The following ZFPM2 variants were observed in gnomAD, a reference collection of about 807,000 sequenced individuals.
ZFPM2 encodes zinc finger protein ZFPM2.
ZFPM2 carries 20 observed loss-of-function variants against 98.6 expected under a neutral mutation model. The observed-to-expected ratio is 0.20, with a 90% CI of 0.14 to 0.29. ZFPM2 has a LOEUF of 0.29. Ranked by LOEUF, ZFPM2 falls within the 10% of genes least tolerant of loss-of-function variation. The pLI, the probability that ZFPM2 is intolerant of heterozygous loss-of-function variation, is 1.00. For missense variants in ZFPM2, 1,310 were observed against 1,388.6 expected, an observed-to-expected ratio of 0.94 and a Z score of 0.90; for synonymous variants, 518 against 502.7, an observed-to-expected ratio of 1.03 and a Z score of -0.41.
At chr8:105,490,315 G>A (rs1209158671) in intron 3 of ZFPM2, among the ~76,000 whole-genome samples, 1 of 152,176 alleles carries the variant, frequency 6.6e-6, no homozygotes, top group Non-Finnish European at 1.5e-5. Context: ...ATTCATTTGA[G>A]TTTATTTCTA....
At position 105,318,994 on chromosome 8, in the gene ZFPM2, GC is replaced by G; in HGVS notation, c.40+14del. 6.7e-7 allele frequency: 1 copy of G among 1,492,214 alleles called. No individual in the cohort carries two copies. The highest frequency in any genetic ancestry group is 9.0e-7 in the Non-Finnish European group (1 of 1,113,176). 92.4% of individuals were successfully genotyped at this position (1,492,214 alleles called of 1,614,324 possible). ...CGGCAGATCAAACGTAAGTTTGCGCGCGGGGCCGGGAGTTGGTGGGATTATT... is the reference window on the plus strand; with the variant it reads ...CGGCAGATCAAACGTAAGTTTGCGCGGGGGCCGGGAGTTGGTGGGATTATT... On this transcript the variant is annotated intron_variant, in intron 1 of 7. Coordinates refer to ENST00000407775, the MANE Select transcript of ZFPM2 (RefSeq NM_012082.4).
intron 5 of ZFPM2, among the ~76,000 whole-genome samples, chr8:105,745,161 A>G (rs1375029527): frequency 6.6e-6 from 1 of 152,108 alleles, no homozygotes; most frequent in Non-Finnish European, 1.5e-5. Context: ...TTGGCTATCT[A>G]TAGTGTCCTT....
At chr8:105,502,693 C>T (rs531699363) in intron 3 of ZFPM2, among the ~76,000 whole-genome samples, 2 of 152,290 alleles carry the variant, frequency 1.3e-5, no homozygotes, top group South Asian at 4.1e-4. Context: ...GATAGAGTGA[C>T]AGGCCATGTA....
intron 5 of ZFPM2, among the ~76,000 whole-genome samples, chr8:105,656,884 G>A (rs1226610553): frequency 2.6e-5 from 4 of 152,098 alleles, no homozygotes; most frequent in Non-Finnish European, 5.9e-5. Context: ...TATAGTCCCA[G>A]GAACAAAGAG....
At chr8:105,661,850 T>C (rs1033974447) in intron 5 of ZFPM2, among the ~76,000 whole-genome samples, 2 of 152,132 alleles carry the variant, frequency 1.3e-5, no homozygotes, top group Non-Finnish European at 2.9e-5. Context: ...CAGTATTCAA[T>C]GGGGACACGT....
At chr8:105,792,036 A>T (rs1173793287) in intron 6 of ZFPM2, among the ~76,000 whole-genome samples, 4 of 152,074 alleles carry the variant, frequency 2.6e-5, no homozygotes, top group Non-Finnish European at 5.9e-5. Context: ...CCTTTCAAAA[A>T]ACCAGTTCCT....
In ZFPM2 at chr8:105,561,350, C is replaced by T. The variant is rs3735953; in HGVS notation, c.302-13C>T. Reference sequence around the variant, plus strand: ...AGTAAGTATTCTAAACACTTCTGTTCCTTTGTCTGCAGGAGAGCTGGAGGT... The same window carrying T: ...AGTAAGTATTCTAAACACTTCTGTTTCTTTGTCTGCAGGAGAGCTGGAGGT... On this transcript the variant is annotated splice_polypyrimidine_tract_variant and intron_variant, in intron 3 of 7. Transcript: ENST00000407775. The T allele has an allele frequency of 0.6, 970,180 of 1,606,566 alleles. 298,307 individuals carry two copies. The highest frequency in any genetic ancestry group is 0.92 in the African/African-American group (68,580 of 74,870).
intron 5 of ZFPM2, among the ~76,000 whole-genome samples, chr8:105,660,015 G>A (rs537884723): frequency 6.6e-6 from 1 of 152,104 alleles, no homozygotes; most frequent in Non-Finnish European, 1.5e-5. Flanking sequence ...CAAAGAGTTT[G>A]AAAAAGAAAG....
Position 105,696,249 on chromosome 8 carries a change from G to A in ZFPM2, c.532+61892G>A, listed in dbSNP as rs145147291. 2.0e-3 allele frequency among the ~76,000 whole-genome samples: 311 copies of A among 152,252 alleles called. 1 individual carries two copies. Among genetic ancestry groups the A allele is most frequent in the Middle Eastern group, 6.8e-3 (2 of 294 alleles). ...TGTAGGAATAGGTCTAGCTAAGGTC[G>A]TATCCTGGGCAGTGAGGCGGAGAAA... On this transcript the variant is annotated intron_variant, in intron 5 of 7. Coordinates refer to ENST00000407775, the MANE Select transcript of ZFPM2 (RefSeq NM_012082.4).
At chr8:105,755,815 C>A (rs1256352281) in intron 5 of ZFPM2, among the ~76,000 whole-genome samples, 1 of 151,956 alleles carries the variant, frequency 6.6e-6, no homozygotes, top group Non-Finnish European at 1.5e-5. Flanking sequence ...AATGTTGAAG[C>A]TTTTTTCTAT....
intron 4 of ZFPM2, among the ~76,000 whole-genome samples, chr8:105,631,440 C>T (rs1466648756): frequency 6.6e-6 from 1 of 152,168 alleles, no homozygotes; most frequent in Non-Finnish European, 1.5e-5. Context: ...CCAGAACTCC[C>T]ATTTCCTGCA....
intron 1 of ZFPM2, among the ~76,000 whole-genome samples, chr8:105,349,926 A>G (rs1429587890): frequency 6.6e-6 from 1 of 152,038 alleles, no homozygotes. Context: ...TTGATTTGTT[A>G]TAATTTATTT....
At chr8:105,510,549 A>T (rs556309766) in intron 3 of ZFPM2, among the ~76,000 whole-genome samples, 1 of 152,096 alleles carries the variant, frequency 6.6e-6, no homozygotes, top group Non-Finnish European at 1.5e-5. Flanking sequence ...TGCAAAAGGT[A>T]TTTTATCTCT....
chr8:105,602,671 G>A (rs1454998476), intron 4 of ZFPM2, among the ~76,000 whole-genome samples: 6 of 152,070 alleles, frequency 3.9e-5, no homozygotes, highest in African/African-American at 1.2e-4. Flanking sequence ...ATGAATATGT[G>A]TGTACATACT....
At chr8:105,710,664 TGTGTGTGTG>T (rs1284178122) in intron 5 of ZFPM2, among the ~76,000 whole-genome samples, 2 of 986 alleles carry the variant, frequency 2.0e-3, no homozygotes, top group Non-Finnish European at 4.1e-3. Context: ...TGCACAAAAT[TGTGTGTGTG>T]TGTGTGTGTG....
chr8:105,351,218 A>G (rs1294268079), intron 1 of ZFPM2, among the ~76,000 whole-genome samples: 3 of 152,008 alleles, frequency 2.0e-5, no homozygotes, highest in African/African-American at 7.2e-5. Context: ...GTATTTGCAT[A>G]TAATTTATGC....
intron 5 of ZFPM2, 128 bp downstream of exon 5, chr8:105,634,485 T>A: frequency 1.3e-6 from 1 of 753,594 alleles, no homozygotes; most frequent in Non-Finnish European, 2.2e-6. Context: ...CCCATTTGAG[T>A]TCCTCTAATG....
rs1164789077 is a variant in ZFPM2, at chr8:105,617,985, C to G, written c.421-16261C>G. On this transcript the variant is annotated intron_variant, in intron 4 of 7. Coordinates refer to ENST00000407775, the MANE Select transcript of ZFPM2 (RefSeq NM_012082.4). ...GATGTCTGATATTGATATTTAGTAT[C>G]TCAACTAGACTTACAAGACCCCAAA... 4.6e-5 allele frequency among the ~76,000 whole-genome samples: 7 copies of G among 152,190 alleles called. No individual in the cohort carries two copies. In the East Asian group the frequency reaches 1.2e-3, roughly 25 times the overall value.
intron 2 of ZFPM2, among the ~76,000 whole-genome samples, chr8:105,439,939 A>G (rs1812202966): frequency 6.6e-6 from 1 of 151,938 alleles, no homozygotes; most frequent in Non-Finnish European, 1.5e-5. Flanking sequence ...TCTAGCTTCC[A>G]TGAAAAATTA....
Sources: gnomAD v4.1 joint callset for allele counts (sites outside exome capture counted in the v4.1 genomes callset) on GRCh38, gnomAD v4.1.1 for gene constraint, MANE v1.5 for transcripts, NCBI Gene and HGNC (gene_info 2026-07-23, HGNC 2026-07-21) for gene names.